Variants in MGMT observed in about 807,000 individuals in gnomAD.
MGMT encodes the protein O-6-methylguanine-DNA methyltransferase.
Under a neutral mutation model 15.9 loss-of-function variants are expected in MGMT, and 14 were observed. The ratio of observed to expected loss-of-function variants is 0.88; its 90% confidence interval spans 0.58 to 1.37. MGMT has a LOEUF of 1.37. Ranked by LOEUF, MGMT falls within the 40% of genes most tolerant of loss-of-function variation. MGMT has a pLI of 0.00. For missense variants in MGMT, 282 were observed against 268.1 expected, an observed-to-expected ratio of 1.05 and a Z score of -0.36; for synonymous variants, 130 against 118.2, an observed-to-expected ratio of 1.10 and a Z score of -0.65.
chr10:129,563,238 C>A (rs900726983), intron 2 of MGMT, among the ~76,000 whole-genome samples: 19 of 152,196 alleles, frequency 1.2e-4, no homozygotes, highest in African/African-American at 3.4e-4. Context: ...GTGCCTGTTA[C>A]GTGCTGGCCA....
At chr10:129,704,731 G>A (rs4751111) in intron 2 of MGMT, among the ~76,000 whole-genome samples, 58,339 of 151,560 alleles carry the variant, frequency 0.38, 12,344 homozygotes, top group Non-Finnish European at 0.48. Flanking sequence ...CTGCTCCACC[G>A]TGAAAAACAG....
intron 2 of MGMT, among the ~76,000 whole-genome samples, chr10:129,695,127 A>T (rs1589941866): frequency 6.6e-6 from 1 of 152,084 alleles, no homozygotes; most frequent in Non-Finnish European, 1.5e-5. Flanking sequence ...GTTGCTGAGG[A>T]TTTTTTTGGC....
At position 129,727,249 on chromosome 10, in the gene MGMT, G is replaced by A. The variant is rs552047291; in HGVS notation, c.274+19206G>A. On this transcript the variant is annotated intron_variant, in intron 3 of 4. Transcript: ENST00000651593. The stretch of plus-strand genomic sequence containing the variant: ...CGACTTCCGAGGCTAGGTCATAAGA[G>A]GCCTTGCAGCTCCCAGTGTCCTCAG... 5.3e-4 allele frequency among the ~76,000 whole-genome samples: 81 copies of A among 152,310 alleles called. No homozygotes were observed. The East Asian group carries it at 8.7e-3, about 16-fold the overall frequency.
chr10:129,576,405 C>A (rs1305422873), intron 2 of MGMT, among the ~76,000 whole-genome samples: 1 of 152,154 alleles, frequency 6.6e-6, no homozygotes, highest in Non-Finnish European at 1.5e-5. Flanking sequence ...AAATGTAATC[C>A]AGCATGTAAA....
intron 1 of MGMT, among the ~76,000 whole-genome samples, chr10:129,502,383 A>G (rs1257504628): frequency 6.6e-6 from 1 of 152,128 alleles, no homozygotes; most frequent in Non-Finnish European, 1.5e-5. Context: ...TATTTAGTTA[A>G]TACGTTGCGT....
At chr10:129,703,171 G>A (rs1272331425) in intron 2 of MGMT, among the ~76,000 whole-genome samples, 1 of 152,272 alleles carries the variant, frequency 6.6e-6, no homozygotes, top group Middle Eastern at 3.4e-3. Context: ...TAGAGAAAGA[G>A]TTAAAAAGGA....
chr10:129,505,019 C>T (rs1228550818), intron 1 of MGMT, among the ~76,000 whole-genome samples: 1 of 152,118 alleles, frequency 6.6e-6, no homozygotes. Context: ...CTAAGGCCAA[C>T]TTTGGAAAGT....
In MGMT at chr10:129,533,899, G is replaced by A. The variant is rs1845958658; in HGVS notation, c.-12-2342G>A. Among the ~76,000 whole-genome samples, 2 of 152,088 alleles carry A rather than the reference G, an allele frequency of 1.3e-5. No homozygotes were observed. Among genetic ancestry groups the A allele is most frequent in the South Asian group, 2.1e-4 (1 of 4,824 alleles). ...GGCAGTCACTTTGGAAGAATGGGCGGGATGGTGATGATTTGAATGAGACTT... is the reference window on the plus strand; with the variant it reads ...GGCAGTCACTTTGGAAGAATGGGCGAGATGGTGATGATTTGAATGAGACTT... On this transcript the variant is annotated intron_variant, in intron 1 of 4. Transcript: ENST00000651593. The surrounding 1 kb of genome is among the most constrained non-coding windows in gnomAD (Gnocchi z 4.5).
At chr10:129,515,993 C>G (rs147776125) in intron 1 of MGMT, among the ~76,000 whole-genome samples, 46 of 152,210 alleles carry the variant, frequency 3.0e-4, no homozygotes, top group African/African-American at 1.1e-3. Context: ...TAAACGCAGT[C>G]TTTGAACTTG....
rs1845958994 is a variant in MGMT at position 129,533,930 on chromosome 10, A to C, written c.-12-2311A>C. On this transcript the variant is annotated intron_variant, in intron 1 of 4. Coordinates refer to ENST00000651593, the MANE Select transcript of MGMT (RefSeq NM_002412.5). The surrounding 1 kb of genome is among the most constrained non-coding windows in gnomAD (Gnocchi z 4.5). Reference sequence around the variant, plus strand: ...TGATGATTTGAATGAGACTTGGGGGAGTTGGGGCAGCGTACTCCAGGGGAT... The same window carrying C: ...TGATGATTTGAATGAGACTTGGGGGCGTTGGGGCAGCGTACTCCAGGGGAT... Among the ~76,000 whole-genome samples the C allele has an allele frequency of 6.6e-6, 1 of 151,820 alleles. No individual in the cohort carries two copies. Among genetic ancestry groups the C allele is most frequent in the Non-Finnish European group, 1.5e-5 (1 of 67,962 alleles).
Position 129,769,989 on chromosome 10 carries a change from T to G in MGMT, c.*2992T>G, listed in dbSNP as rs1406017739. Among the ~76,000 whole-genome samples, 2 of 152,132 alleles carry G rather than the reference T, an allele frequency of 1.3e-5. No individual in the cohort carries two copies. The highest frequency in any genetic ancestry group is 4.8e-5 in the African/African-American group (2 of 41,432). On this transcript the variant is annotated 3_prime_UTR_variant, in exon 5 of 5. Transcript: ENST00000651593. ...CAAGCTCACCTTGTAGAGAACTTAC[T>G]TGGGGTTTGTAATTTGTATACACTT... is the stretch of plus-strand genomic sequence containing the variant.
At chr10:129,580,476 G>C (rs931846928) in intron 2 of MGMT, among the ~76,000 whole-genome samples, 2 of 152,156 alleles carry the variant, frequency 1.3e-5, no homozygotes, top group South Asian at 2.1e-4. Flanking sequence ...TGGCTCCAGG[G>C]CCCGTGGGCT....
chr10:129,668,393 T>C (rs1847683739), intron 2 of MGMT, among the ~76,000 whole-genome samples: 1 of 152,216 alleles, frequency 6.6e-6, no homozygotes, highest in Admixed American at 6.5e-5. Flanking sequence ...GTCACAGTTA[T>C]TTGCTCTCAC....
At chr10:129,588,217 G>A (rs986834836) in intron 2 of MGMT, among the ~76,000 whole-genome samples, 13 of 152,104 alleles carry the variant, frequency 8.5e-5, no homozygotes, top group Admixed American at 2.0e-4. Context: ...AAAGAGACTC[G>A]CAGCCTCAGC....
intron 2 of MGMT, among the ~76,000 whole-genome samples, chr10:129,675,611 T>C (rs1044475368): frequency 6.6e-6 from 1 of 151,992 alleles, no homozygotes; most frequent in Non-Finnish European, 1.5e-5. Context: ...GGGCCTGCTC[T>C]TGTTGAGGTC....
At chr10:129,646,754 A>ATATATATATTTTTTT in intron 2 of MGMT, among the ~76,000 whole-genome samples, 8 of 86,672 alleles carry the variant, frequency 9.2e-5, no homozygotes, top group Non-Finnish European at 5.1e-5. Flanking sequence ...ATATATATAT[A>ATATATATATTTTTTT]TTTTCAGGGA....
chr10:129,515,092 AG>A (rs954871916), intron 1 of MGMT, among the ~76,000 whole-genome samples: 10 of 152,198 alleles, frequency 6.6e-5, no homozygotes, highest in Non-Finnish European at 1.5e-4. Context: ...AGCTTCCTGC[AG>A]TGGCTGGGGG....
intron 1 of MGMT, among the ~76,000 whole-genome samples, chr10:129,513,620 A>G (rs1217908239): frequency 1.3e-5 from 2 of 152,158 alleles, no homozygotes; most frequent in Non-Finnish European, 2.9e-5. Flanking sequence ...CTCGGGGACC[A>G]CCAAGGCAGT....
intron 2 of MGMT, among the ~76,000 whole-genome samples, chr10:129,539,801 C>T (rs550815668): frequency 9.8e-5 from 15 of 152,288 alleles, no homozygotes; most frequent in African/African-American, 2.4e-4. Context: ...CCACCGCGCC[C>T]GGCCTGTGAT....
Sources: allele counts gnomAD v4.1 joint callset (sites outside exome capture counted in the v4.1 genomes callset), GRCh38; gene constraint gnomAD v4.1.1; non-coding constraint Gnocchi (gnomAD v3.1); transcripts MANE v1.5; gene names NCBI Gene and HGNC (gene_info 2026-07-23, HGNC 2026-07-21).